USP5: variants seen among roughly 807,000 people sequenced by gnomAD.
USP5 encodes the protein ubiquitin specific peptidase 5, also known as ubiquitin carboxyl-terminal hydrolase 5.
USP5 carries 24 observed loss-of-function variants against 102.5 expected under a neutral mutation model. That is an observed-to-expected ratio of 0.23 (90% CI 0.17 to 0.33). USP5 has a LOEUF of 0.33. Ranked by LOEUF, USP5 falls within the 10% of genes least tolerant of loss-of-function variation. The probability of loss-of-function intolerance (pLI) is 1.00; values close to 1 mark genes in which losing one functional copy is unlikely to be tolerated. For missense variants in USP5, 753 were observed against 1,122.1 expected, an observed-to-expected ratio of 0.67 and a Z score of 4.70; for synonymous variants, 460 against 434.8, an observed-to-expected ratio of 1.06 and a Z score of -0.72.
Position 6,856,521 on chromosome 12 carries a change from T to G in USP5, c.584+71T>G. 1.9e-6 allele frequency: 3 copies of G among 1,558,550 alleles called. No homozygotes were observed. Among genetic ancestry groups the G allele is most frequent in the Non-Finnish European group, 2.6e-6 (3 of 1,153,620 alleles). On this transcript the variant is annotated intron_variant, in intron 5 of 19. Coordinates refer to ENST00000229268, the MANE Select transcript of USP5 (RefSeq NM_001098536.2). This position sits in a 1 kb window ranked among gnomAD's most constrained non-coding sequence, Gnocchi z 5.6. ...ACAAGGAGCCCACTTTTCTGGGGGA[T>G]CTGGTGGGAGAGAGGGTAGGGAGCA... is the stretch of plus-strand genomic sequence containing the variant.
Position 6,865,204 on chromosome 12 carries a change from T to C in USP5, c.2439T>C (p.Ser813=), listed in dbSNP as rs782545807. 1 of 1,614,082 alleles carries C rather than the reference T, an allele frequency of 6.2e-7. No homozygotes were observed. The highest frequency in any genetic ancestry group is 2.2e-5 in the East Asian group (1 of 44,892). ...CCTTCATTAGTCACATGGGCACCTC[T>C]ACCATGTGTGGTCACTACGTCTGCC... is the stretch of plus-strand genomic sequence containing the variant. The part of the protein sequence containing the change: ...LFAFISHMGT[S]TMCGHYVCHI... The change falls in exon 19 of 20, where the codon TCT becomes TCC. Residue 813 remains serine (S), a synonymous_variant. Transcript: ENST00000229268.
rs782378167 is a variant in USP5, at chr12:6,864,957, C to G, written c.2398+82C>G. 15 of 1,540,032 alleles carry G rather than the reference C, an allele frequency of 9.7e-6. No homozygotes were observed. The East Asian group carries it at 3.4e-4, about 35-fold the overall frequency. Reference sequence around the variant, plus strand: ...CAGATCCCTCATTCAGGCAGCTCTGCCCTCCTCAGGAGTCAGGGGCTTCTT... The same window carrying G: ...CAGATCCCTCATTCAGGCAGCTCTGGCCTCCTCAGGAGTCAGGGGCTTCTT... On this transcript the variant is annotated intron_variant, in intron 18 of 19. Coordinates refer to ENST00000229268, the MANE Select transcript of USP5 (RefSeq NM_001098536.2). This position sits in a 1 kb window ranked among gnomAD's most constrained non-coding sequence, Gnocchi z 4.8.
rs902194020 is a variant in USP5, at chr12:6,856,828, C to A, written c.706C>A (p.His236Asn). The change falls in exon 6 of 20, where the codon CAC becomes AAC. Residue 236 changes from histidine to asparagine, a missense_variant. By Grantham distance (68) the His-to-Asn change is moderately conservative. Around this residue, in one of 3 missense-constraint regions of USP5, gnomAD observed 527 missense variants for 816.5 expected, o/e 0.65. Coordinates refer to ENST00000229268, the MANE Select transcript of USP5 (RefSeq NM_001098536.2). This position sits in a 1 kb window ranked among gnomAD's most constrained non-coding sequence, Gnocchi z 5.6. ...GSGGNNHAVE[H>N]YRETGYPLAV... ...TGGGGGCAACAACCACGCTGTGGAGCACTACCGAGAGACAGGCTACCCGTT... is the reference window on the plus strand; with the variant it reads ...TGGGGGCAACAACCACGCTGTGGAGAACTACCGAGAGACAGGCTACCCGTT... 22 of 1,614,080 alleles carry A rather than the reference C, an allele frequency of 1.4e-5. No homozygotes were observed. Among genetic ancestry groups the A allele is most frequent in the Non-Finnish European group, 1.9e-5 (22 of 1,180,038 alleles).
Position 6,861,238 on chromosome 12 carries a change from A to G in USP5, c.1498+132A>G. ...AGCCAAGGTTCCAGTCTGGGCCACCAGGAGTAGGTAGATTAACCTCGTCCA... is the reference window on the plus strand; with the variant it reads ...AGCCAAGGTTCCAGTCTGGGCCACCGGGAGTAGGTAGATTAACCTCGTCCA... On this transcript the variant is annotated intron_variant, in intron 12 of 19. Transcript: ENST00000229268. The surrounding 1 kb of genome is among the most constrained non-coding windows in gnomAD (Gnocchi z 4.9). 1 of 1,456,438 alleles carries G rather than the reference A, an allele frequency of 6.9e-7. No homozygotes were observed. Among genetic ancestry groups the G allele is most frequent in the Middle Eastern group, 2.5e-4 (1 of 4,036 alleles). 90.2% of individuals were successfully genotyped at this position (1,456,438 alleles called of 1,614,324 possible). A position where few individuals can be genotyped will look rare whatever the true frequency, so the allele number is the denominator to read the frequency against.
chr12:6,865,284 G>A (rs1660900743), intron 19 of USP5, 36 bp downstream of exon 19: 1 of 1,589,334 alleles, frequency 6.3e-7, no homozygotes, highest in African/African-American at 1.3e-5. Context: ...AATGGAGAAT[G>A]GTGGTGGGAA....
Position 6,861,879 on chromosome 12 carries a change from T to C in USP5, c.1673+262T>C, listed in dbSNP as rs1555129645. On this transcript the variant is annotated intron_variant, in intron 13 of 19. Coordinates refer to ENST00000229268, the MANE Select transcript of USP5 (RefSeq NM_001098536.2). The surrounding 1 kb of genome is among the most constrained non-coding windows in gnomAD (Gnocchi z 4.9). ...CTCTTTGTAGTGTAGCCTCTCTTCA[T>C]TGCCCCTCAGTCATGGCTGAGCACA... Among the ~76,000 whole-genome samples the C allele has an allele frequency of 2.0e-5, 3 of 152,218 alleles. No homozygotes were observed. The highest frequency in any genetic ancestry group is 4.4e-5 in the Non-Finnish European group (3 of 68,030).
rs1944219255 is a variant in USP5, at chr12:6,859,681, T to A, written c.1130+140T>A. The A allele has an allele frequency of 3.6e-6, 3 of 843,960 alleles. No individual in the cohort carries two copies. In the East Asian group the frequency reaches 8.0e-5, roughly 22 times the overall value. 52.3% of individuals were successfully genotyped at this position (843,960 alleles called of 1,614,324 possible). On this transcript the variant is annotated intron_variant, in intron 9 of 19. Transcript: ENST00000229268. ...TTTTGTTTTGTTTTTTGAGACGGAGTCTTGTTCTGTTGCCAGGCTGGAGTG... is the reference window on the plus strand; with the variant it reads ...TTTTGTTTTGTTTTTTGAGACGGAGACTTGTTCTGTTGCCAGGCTGGAGTG...
chr12:6,855,854 G>A lies in USP5; in HGVS notation c.304+33G>A. ...CCGCTGCAGTCCTATTCTTCTCCCT[G>A]AGCTGGTCTTTCTGGCTCTCAGCAG... On this transcript the variant is annotated intron_variant, in intron 3 of 19. Transcript: ENST00000229268. The surrounding 1 kb of genome is among the most constrained non-coding windows in gnomAD (Gnocchi z 4.6). The A allele has an allele frequency of 3.7e-6, 6 of 1,613,966 alleles. No homozygotes were observed. In the South Asian group the frequency reaches 4.4e-5, roughly 12 times the overall value.
rs377322447 is a variant in USP5, at chr12:6,863,852, C to T, written c.1977C>T (p.Val659=). 1.0e-5 allele frequency: 16 copies of T among 1,604,438 alleles called. No homozygotes were observed. The highest frequency in any genetic ancestry group is 1.3e-5 in the Non-Finnish European group (15 of 1,174,312). The part of the protein sequence containing the change: ...SPTSPMLDES[V]IIQLVEMGFP... Reference sequence around the variant, plus strand: ...CAGCGCCCATGCTGGATGAATCAGTCATCATCCAGCTGGTGGAGATGGGAT... The same window carrying T: ...CAGCGCCCATGCTGGATGAATCAGTTATCATCCAGCTGGTGGAGATGGGAT... Residue 659 remains valine (V), a synonymous_variant, in exon 16 of 20, where the codon GTC becomes GTT. Transcript: ENST00000229268. This position sits in a 1 kb window ranked among gnomAD's most constrained non-coding sequence, Gnocchi z 4.7.
At chr12:6,857,452 G>T in intron 6 of USP5, 177 bp from the exon 7 acceptor site, 1 of 540,526 alleles carries the variant, frequency 1.9e-6, no homozygotes, top group Non-Finnish European at 3.3e-6. Flanking sequence ...TTCCCTGACC[G>T]TCAGCCCCAG....
intron 1 of USP5, among the ~76,000 whole-genome samples, chr12:6,854,590 C>CT (rs1333825029): frequency 1.8e-4 from 26 of 143,132 alleles, no homozygotes; most frequent in African/African-American, 6.7e-4. Flanking sequence ...GACCCCACCT[C>CT]TAAAAAAAAA....
chr12:6,862,662 AAAAAAATC>A, intron 14 of USP5, 104 bp downstream of exon 14: 1 of 1,048,528 alleles, frequency 9.5e-7, no homozygotes, highest in Non-Finnish European at 1.4e-6. Context: ...TGAAAGAGGA[AAAAAAATC>A]ACCTTCAATG....
rs1248336572 is a variant in USP5 at position 6,857,860 on chromosome 12, A to C, written c.864+137A>C. On this transcript the variant is annotated intron_variant, in intron 7 of 19. Coordinates refer to ENST00000229268, the MANE Select transcript of USP5 (RefSeq NM_001098536.2). ...CCCAAGATACACAGGCTTCTTTTAAATATCTAAAATCATTTATTCAGTGAA... is the reference window on the plus strand; with the variant it reads ...CCCAAGATACACAGGCTTCTTTTAACTATCTAAAATCATTTATTCAGTGAA... 44 of 748,624 alleles carry C rather than the reference A, an allele frequency of 5.9e-5. No homozygotes were observed. In the Admixed American group the frequency reaches 6.9e-4, roughly 12 times the overall value. 46.4% of individuals were successfully genotyped at this position (748,624 alleles called of 1,614,324 possible).
In USP5 at chr12:6,860,661, C is replaced by G. The variant is rs1944252248; in HGVS notation, c.1344+170C>G. On this transcript the variant is annotated intron_variant, in intron 11 of 19. Coordinates refer to ENST00000229268, the MANE Select transcript of USP5 (RefSeq NM_001098536.2). This position sits in a 1 kb window ranked among gnomAD's most constrained non-coding sequence, Gnocchi z 5.5. Reference sequence around the variant, plus strand: ...AGGAGGACAGTGAAGGTGATGATCCCTACCCTTGATGGGCTTGAAGCCCAA... The same window carrying G: ...AGGAGGACAGTGAAGGTGATGATCCGTACCCTTGATGGGCTTGAAGCCCAA... 6.6e-6 allele frequency among the ~76,000 whole-genome samples: 1 copy of G among 152,214 alleles called. No individual in the cohort carries two copies. Among genetic ancestry groups the G allele is most frequent in the South Asian group, 2.1e-4 (1 of 4,834 alleles).
rs1555128441 is a variant in USP5, at chr12:6,856,845, C to G, written c.723C>G (p.Gly241=). Residue 241 remains glycine, a synonymous_variant, in exon 6 of 20, where the codon GGC becomes GGG. Coordinates refer to ENST00000229268, the MANE Select transcript of USP5 (RefSeq NM_001098536.2). This position sits in a 1 kb window ranked among gnomAD's most constrained non-coding sequence, Gnocchi z 5.6. ...NHAVEHYRET[G]YPLAVKLGTI... is the part of the protein sequence containing the mutation. ...CTGTGGAGCACTACCGAGAGACAGGCTACCCGTTAGCTGTCAAGCTGGGCA... is the reference window on the plus strand; with the variant it reads ...CTGTGGAGCACTACCGAGAGACAGGGTACCCGTTAGCTGTCAAGCTGGGCA... 1 of 1,614,204 alleles carries G rather than the reference C, an allele frequency of 6.2e-7. No homozygotes were observed. Among genetic ancestry groups the G allele is most frequent in the Non-Finnish European group, 8.5e-7 (1 of 1,180,032 alleles).
chr12:6,863,798 G>T lies in USP5; in HGVS notation c.1955-32G>T. The stretch of plus-strand genomic sequence containing the variant: ...GGAGGAGCAAACAGTGGCCCAATCA[G>T]TCGGTCCGTGTACCCACAATTCCCA... On this transcript the variant is annotated intron_variant, in intron 15 of 19. Transcript: ENST00000229268. This position sits in a 1 kb window ranked among gnomAD's most constrained non-coding sequence, Gnocchi z 4.7. 2 of 1,529,180 alleles carry T rather than the reference G, an allele frequency of 1.3e-6. No individual in the cohort carries two copies. Among genetic ancestry groups the T allele is most frequent in the South Asian group, 1.3e-5 (1 of 78,438 alleles). 94.7% of individuals were successfully genotyped at this position (1,529,180 alleles called of 1,614,324 possible).
Position 6,861,655 on chromosome 12 carries a change from T to A in USP5, c.1673+38T>A, listed in dbSNP as rs782752589. 1.4e-6 allele frequency: 2 copies of A among 1,475,328 alleles called. No individual in the cohort carries two copies. Among genetic ancestry groups the A allele is most frequent in the Admixed American group, 4.5e-5 (2 of 44,248 alleles). The allele number at this position is 1,475,328 out of a possible 1,614,324, so 91.4% of individuals were successfully genotyped here. ...GTCGGGGCCTGAGGCTGTGGGTCTATGGCAGAGCTATCCCAGAGGATACTT... is the reference window on the plus strand; with the variant it reads ...GTCGGGGCCTGAGGCTGTGGGTCTAAGGCAGAGCTATCCCAGAGGATACTT... On this transcript the variant is annotated intron_variant, in intron 13 of 19. Transcript: ENST00000229268. The surrounding 1 kb of genome is among the most constrained non-coding windows in gnomAD (Gnocchi z 4.9).
Position 6,857,353 on chromosome 12 carries a change from C to A in USP5, c.770-276C>A, listed in dbSNP as rs782088853. 9.6e-4 allele frequency: 399 copies of A among 417,232 alleles called. 1 individual carries two copies. The highest frequency in any genetic ancestry group is 7.5e-3 in the African/African-American group (369 of 49,414). 25.8% of individuals were successfully genotyped at this position (417,232 alleles called of 1,614,324 possible). A position where few individuals can be genotyped will look rare whatever the true frequency, so the allele number is the denominator to read the frequency against. ...GATTACTCCCCACTCAAATCCTCAT[C>A]CCTTTCCTACCAAGCCTGTCTTACC... On this transcript the variant is annotated intron_variant, in intron 6 of 19. Coordinates refer to ENST00000229268, the MANE Select transcript of USP5 (RefSeq NM_001098536.2).
Position 6,855,956 on chromosome 12 carries a change from G to A in USP5, c.305-61G>A. On this transcript the variant is annotated intron_variant, in intron 3 of 19. Coordinates refer to ENST00000229268, the MANE Select transcript of USP5 (RefSeq NM_001098536.2). The surrounding 1 kb of genome is among the most constrained non-coding windows in gnomAD (Gnocchi z 4.6). ...ATGGGGCAAGTGAGGTGCTGGCTCG[G>A]AGGAGGGACATTGACCTGTTGTCAT... is the stretch of plus-strand genomic sequence containing the variant. 1 of 1,608,610 alleles carries A rather than the reference G, an allele frequency of 6.2e-7. No homozygotes were observed. The highest frequency in any genetic ancestry group is 1.1e-5 in the South Asian group (1 of 90,668).
Sources: gnomAD v4.1 joint callset for allele counts (sites outside exome capture counted in the v4.1 genomes callset) on GRCh38, gnomAD v4.1.1 for gene constraint, gnomAD v4.1.1 regional missense constraint, Gnocchi (gnomAD v3.1) non-coding constraint, MANE v1.5 for transcripts, NCBI Gene and HGNC (gene_info 2026-07-23, HGNC 2026-07-21) for gene names.